LMCD1: variants seen among roughly 807,000 people sequenced by gnomAD.
The protein encoded by LMCD1 is LIM and cysteine-rich domains protein 1.
Under a neutral mutation model 42.7 loss-of-function variants are expected in LMCD1, and 32 were observed. That is an observed-to-expected ratio of 0.75 (90% CI 0.57 to 1.01). The LOEUF is 1.01. LMCD1 is among the 50% of genes least tolerant of loss of function. The pLI is 0.00. For synonymous variants in LMCD1, 178 were observed against 184.9 expected, an observed-to-expected ratio of 0.96 and a Z score of 0.30; for missense variants, 458 against 483.1, an observed-to-expected ratio of 0.95 and a Z score of 0.49.
At chr3:8,546,587 A>G (rs766682052) in intron 3 of LMCD1, among the ~76,000 whole-genome samples, 19 of 152,206 alleles carry the variant, frequency 1.2e-4, no homozygotes, top group Admixed American at 2.6e-4. Context: ...TCTTGCTACT[A>G]TGGTAGAAGG....
In LMCD1 at chr3:8,548,849, C is replaced by T; in HGVS notation, c.669C>T (p.Thr223=). ...KQQEKPEGAE[T]TAATTNGSLS... ...AGGAAAAGCCAGAGGGGGCAGAGAC[C>T]ACTGCTGCTACCACCAACGGCAGTC... is the stretch of plus-strand genomic sequence containing the variant. The change falls in exon 4 of 6, where the codon ACC becomes ACT. Residue 223 remains threonine (T), a synonymous_variant. Coordinates refer to ENST00000157600, the MANE Select transcript of LMCD1 (RefSeq NM_014583.4). 6.3e-7 allele frequency: 1 copy of T among 1,581,500 alleles called. No individual in the cohort carries two copies. The highest frequency in any genetic ancestry group is 8.6e-7 in the Non-Finnish European group (1 of 1,159,598).
chr3:8,525,549 A>C (rs1371956175), intron 1 of LMCD1, among the ~76,000 whole-genome samples: 1 of 152,080 alleles, frequency 6.6e-6, no homozygotes, highest in East Asian at 1.9e-4. Context: ...TATCTCTTTG[A>C]GATACTGATT....
chr3:8,518,648 T>C, intron 1 of LMCD1, among the ~76,000 whole-genome samples: 1 of 152,068 alleles, frequency 6.6e-6, no homozygotes, highest in Non-Finnish European at 1.5e-5. Flanking sequence ...GAGTTGGCAG[T>C]CTCATCCGTC....
chr3:8,562,733 C>T (rs1695061197), intron 4 of LMCD1, among the ~76,000 whole-genome samples: 1 of 152,206 alleles, frequency 6.6e-6, no homozygotes, highest in Non-Finnish European at 1.5e-5. Context: ...TAGTATTTAT[C>T]ACACTCCATG....
intron 1 of LMCD1, among the ~76,000 whole-genome samples, chr3:8,523,586 C>T (rs896516770): frequency 2.6e-5 from 4 of 152,220 alleles, no homozygotes; most frequent in African/African-American, 9.7e-5. Context: ...CAGCCTGAAG[C>T]CCTAGCGTGG....
chr3:8,566,484 C>G (rs890944879), intron 5 of LMCD1, among the ~76,000 whole-genome samples: 7 of 152,306 alleles, frequency 4.6e-5, no homozygotes, highest in African/African-American at 1.7e-4. Flanking sequence ...CCTAATAACT[C>G]TGTTATTAAG....
chr3:8,522,690 C>T (rs1038786399), intron 1 of LMCD1, among the ~76,000 whole-genome samples: 3 of 152,100 alleles, frequency 2.0e-5, no homozygotes, highest in South Asian at 2.1e-4. Flanking sequence ...GAGAGAGGAA[C>T]ATTAAGGAGA....
chr3:8,514,188 A>G (rs954040619), intron 1 of LMCD1, among the ~76,000 whole-genome samples: 1 of 152,232 alleles, frequency 6.6e-6, no homozygotes, highest in Non-Finnish European at 1.5e-5. Context: ...TTAAAAATCC[A>G]ATTTTTAAAA....
chr3:8,504,919 T>G (rs543748253), intron 1 of LMCD1, among the ~76,000 whole-genome samples: 4 of 152,352 alleles, frequency 2.6e-5, no homozygotes, highest in African/African-American at 9.6e-5. Flanking sequence ...AGATCTGGTT[T>G]AAGTCCCAGC....
In LMCD1 at chr3:8,573,709, C is replaced by CTA. The variant is rs1188848460; in HGVS notation, c.*6112_*6113dup. 2 of 152,134 alleles carry CTA rather than the reference C, an allele frequency of 1.3e-5. No individual in the cohort carries two copies. The highest frequency in any genetic ancestry group is 2.9e-5 in the Non-Finnish European group (2 of 68,018). The allele number at this position is 152,134 out of a possible 1,614,324, so 9.4% of individuals were successfully genotyped here. A position where few individuals can be genotyped will look rare whatever the true frequency, so the allele number is the denominator to read the frequency against. ...CTCCTGGTCTGATTCCTTTGGGTCT[C>CTA]TAATAATGGAAACTGCAAGGATCAG... On this transcript the variant is annotated 3_prime_UTR_variant, in exon 6 of 6. Transcript: ENST00000157600.
intron 1 of LMCD1, among the ~76,000 whole-genome samples, chr3:8,514,598 C>A (rs981787168): frequency 6.6e-6 from 1 of 152,152 alleles, no homozygotes; most frequent in Non-Finnish European, 1.5e-5. Context: ...TAGCCCCAAA[C>A]TGGAAATAAT....
At chr3:8,552,391 C>T (rs1263284009) in intron 4 of LMCD1, among the ~76,000 whole-genome samples, 2 of 152,176 alleles carry the variant, frequency 1.3e-5, no homozygotes, top group Non-Finnish European at 2.9e-5. Flanking sequence ...CATGAAACTA[C>T]GTGAGTTTCT....
intron 3 of LMCD1, among the ~76,000 whole-genome samples, chr3:8,543,417 A>G (rs1162160855): frequency 6.8e-6 from 1 of 147,134 alleles, no homozygotes; most frequent in African/African-American, 2.7e-5. Context: ...ATAGATAGAT[A>G]GATAGATAGA....
intron 3 of LMCD1, among the ~76,000 whole-genome samples, chr3:8,541,473 C>G (rs185318941): frequency 6.6e-6 from 1 of 152,214 alleles, no homozygotes; most frequent in East Asian, 1.9e-4. Flanking sequence ...CGCTTGAACC[C>G]GGGAGGCAGA....
chr3:8,532,134 C>T lies in LMCD1; in HGVS notation c.43-603C>T, dbSNP rs1479899308. ...CACCTCAGCAGCAGCAGCAAATGCACTTTTGGTACCTTTGGCTGGTAGCAA... is the reference window on the plus strand; with the variant it reads ...CACCTCAGCAGCAGCAGCAAATGCATTTTTGGTACCTTTGGCTGGTAGCAA... On this transcript the variant is annotated intron_variant, in intron 1 of 5. Transcript: ENST00000157600. 3.9e-5 allele frequency among the ~76,000 whole-genome samples: 6 copies of T among 152,342 alleles called. No homozygotes were observed. In the East Asian group the frequency reaches 7.7e-4, roughly 20 times the overall value.
chr3:8,553,096 G>A (rs1218458229), intron 4 of LMCD1, among the ~76,000 whole-genome samples: 1 of 152,174 alleles, frequency 6.6e-6, no homozygotes, highest in African/African-American at 2.4e-5. Flanking sequence ...GGAAGCACAG[G>A]TGCAGAATCT....
chr3:8,544,970 C>T (rs1694706465), intron 3 of LMCD1, among the ~76,000 whole-genome samples: 1 of 152,158 alleles, frequency 6.6e-6, no homozygotes, highest in African/African-American at 2.4e-5. Context: ...GGGACTCACC[C>T]ATGCATAAGA....
intron 1 of LMCD1, among the ~76,000 whole-genome samples, chr3:8,527,291 T>G (rs6443193): frequency 2.0e-5 from 3 of 151,932 alleles, no homozygotes; most frequent in Non-Finnish European, 2.9e-5. Flanking sequence ...CCACCACCAC[T>G]GCCTTCAAAG....
chr3:8,510,401 G>A (rs1693973826), intron 1 of LMCD1, among the ~76,000 whole-genome samples: 1 of 152,212 alleles, frequency 6.6e-6, no homozygotes, highest in Non-Finnish European at 1.5e-5. Flanking sequence ...GGAAGTATAA[G>A]AGAGAGATGT....
Sources: gnomAD v4.1 joint callset for allele counts (sites outside exome capture counted in the v4.1 genomes callset) on GRCh38, gnomAD v4.1.1 for gene constraint, MANE v1.5 for transcripts, NCBI Gene and HGNC (gene_info 2026-07-23, HGNC 2026-07-21) for gene names.